TRERF1: variants seen among roughly 807,000 people sequenced by gnomAD.
TRERF1 encodes transcriptional regulating factor 1.
A neutral mutation model predicts 122.9 loss-of-function variants in TRERF1; 27 were observed. That is an observed-to-expected ratio of 0.22 (90% confidence interval 0.16 to 0.30). The LOEUF (loss-of-function observed/expected upper bound fraction) is 0.30. Among genes scored for constraint, TRERF1 ranks in the 10% least tolerant of loss-of-function variants. The pLI is 1.00. For missense variants in TRERF1, 1,248 were observed against 1,560.3 expected (o/e 0.80, Z 3.37); for synonymous variants, 636 against 641.7 (o/e 0.99, Z 0.13).
intron 3 of TRERF1, among the ~76,000 whole-genome samples, chr6:42,317,285 GAGGA>G (rs1204664448): frequency 1.3e-5 from 2 of 152,044 alleles, no homozygotes; most frequent in Non-Finnish European, 2.9e-5. Context: ...GTCTGTGCAG[GAGGA>G]AGGAAGAACC....
At chr6:42,238,456 G>A (rs1772784534) in intron 15 of TRERF1, among the ~76,000 whole-genome samples, 1 of 152,144 alleles carries the variant, frequency 6.6e-6, no homozygotes, top group Admixed American at 6.5e-5. Flanking sequence ...TCACCAAAGT[G>A]ACTAAGAGAT....
chr6:42,379,127 AAT>A, intron 2 of TRERF1, among the ~76,000 whole-genome samples: 2 of 123,064 alleles, frequency 1.6e-5, no homozygotes, highest in South Asian at 4.6e-4. Context: ...CTCAAAAAAA[AAT>A]TTTTTTAATA....
In TRERF1 at chr6:42,259,636, G is replaced by T; in HGVS notation, c.1972C>A (p.Pro658Thr). The T allele has an allele frequency of 6.2e-7, 1 of 1,613,190 alleles. No individual in the cohort carries two copies. The highest frequency in any genetic ancestry group is 8.5e-7 in the Non-Finnish European group (1 of 1,179,990). Residue 658 changes from proline to threonine, a missense_variant, in exon 9 of 18, where the codon CCG becomes ACG. Physicochemically the swap from Pro to Thr is conservative, Grantham distance 38. This residue lies in a region of TRERF1 where 946 missense variants were observed against 1,073.0 expected (regional missense o/e 0.88). Transcript: ENST00000372922. This position sits in a 1 kb window ranked among gnomAD's most constrained non-coding sequence, Gnocchi z 4.9. The stretch of plus-strand genomic sequence containing the variant: ...GGCGGCGGGATGAAGAGAGGTTCCG[G>T]CCGGTGCCGGAACTTTTTCTTCTCC...
At chr6:42,311,119 A>G (rs1263609148) in intron 3 of TRERF1, among the ~76,000 whole-genome samples, 1 of 152,218 alleles carries the variant, frequency 6.6e-6, no homozygotes, top group Non-Finnish European at 1.5e-5. Context: ...AAACAAATAA[A>G]AGGTCCCTGC....
intron 3 of TRERF1, among the ~76,000 whole-genome samples, chr6:42,341,099 C>T (rs1767219017): frequency 6.6e-6 from 1 of 152,156 alleles, no homozygotes; most frequent in Non-Finnish European, 1.5e-5. Flanking sequence ...GTTTTCATGA[C>T]CTCAAATCAC....
rs1236665544 is a variant in TRERF1, at chr6:42,265,740, A to C, written c.1484+11T>G. The C allele has an allele frequency of 3.1e-6, 5 of 1,612,112 alleles. No homozygotes were observed. The highest frequency in any genetic ancestry group is 4.2e-6 in the Non-Finnish European group (5 of 1,179,158). On this transcript the variant is annotated intron_variant, in intron 6 of 17. Coordinates refer to ENST00000372922, the Ensembl canonical transcript of TRERF1. ...TCTCCCAAAATACCAACAAGGTTCC[A>C]CTCATCCTACCTTGACTCAGGGGAC...
At chr6:42,288,126 A>G (rs2150112882) in intron 4 of TRERF1, among the ~76,000 whole-genome samples, 1 of 152,198 alleles carries the variant, frequency 6.6e-6, no homozygotes, top group East Asian at 1.9e-4. Context: ...ATAACAAAAC[A>G]TTTATTGCAT....
chr6:42,290,053 G>T (rs1784037775), intron 4 of TRERF1, among the ~76,000 whole-genome samples: 2 of 152,162 alleles, frequency 1.3e-5, no homozygotes, highest in African/African-American at 4.8e-5. Flanking sequence ...AGGTTCCAAG[G>T]CCCAGAGAGG....
intron 2 of TRERF1, among the ~76,000 whole-genome samples, chr6:42,405,077 T>A (rs1779970661): frequency 6.6e-6 from 1 of 152,218 alleles, no homozygotes; most frequent in Admixed American, 6.5e-5. Context: ...TGGGTATTAT[T>A]TAATCTTCAC....
At chr6:42,447,291 T>C (rs1216665711) in intron 2 of TRERF1, among the ~76,000 whole-genome samples, 1 of 152,212 alleles carries the variant, frequency 6.6e-6, no homozygotes, top group Non-Finnish European at 1.5e-5. Context: ...AGGCTTTTTG[T>C]TGTGTGTTTT....
At chr6:42,372,674 G>C (rs1200270664) in intron 2 of TRERF1, among the ~76,000 whole-genome samples, 1 of 152,240 alleles carries the variant, frequency 6.6e-6, no homozygotes, top group East Asian at 1.9e-4. Flanking sequence ...GGATGGCAGA[G>C]AATCGCCTGC....
intron 17 of TRERF1, among the ~76,000 whole-genome samples, chr6:42,229,357 C>T (rs567698241): frequency 1.5e-4 from 23 of 152,126 alleles, no homozygotes; most frequent in East Asian, 5.8e-4. Context: ...ATGCTGGCCT[C>T]GAACTCCTGG....
intron 3 of TRERF1, among the ~76,000 whole-genome samples, chr6:42,321,053 G>A (rs527282677): frequency 6.6e-6 from 1 of 151,902 alleles, no homozygotes; most frequent in East Asian, 1.9e-4. Flanking sequence ...AATCAGATAG[G>A]AGGCTGAAAA....
chr6:42,240,222 C>T (rs887833981), intron 15 of TRERF1, among the ~76,000 whole-genome samples: 13 of 152,206 alleles, frequency 8.5e-5, no homozygotes, highest in Admixed American at 3.3e-4. Flanking sequence ...CTCCTATCTT[C>T]GAAAAATATT....
In TRERF1 at chr6:42,228,299, G is replaced by A; in HGVS notation, c.*46C>T. 6.6e-7 allele frequency: 1 copy of A among 1,511,082 alleles called. No homozygotes were observed. The highest frequency in any genetic ancestry group is 8.9e-7 in the Non-Finnish European group (1 of 1,122,976). 93.6% of individuals were successfully genotyped at this position (1,511,082 alleles called of 1,614,324 possible). A position where few individuals can be genotyped will look rare whatever the true frequency, so the allele number is the denominator to read the frequency against. ...CAGTCCAGGTTTCCTGATTAATGAA[G>A]ATGGAGGCCGTGGGTTTTCACTGTC... On this transcript the variant is annotated 3_prime_UTR_variant, in exon 18 of 18. Transcript: ENST00000372922. This position sits in a 1 kb window ranked among gnomAD's most constrained non-coding sequence, Gnocchi z 4.2.
intron 2 of TRERF1, among the ~76,000 whole-genome samples, chr6:42,401,494 G>A (rs1300177111): frequency 6.6e-6 from 1 of 152,144 alleles, no homozygotes; most frequent in African/African-American, 2.4e-5. Flanking sequence ...GGTAACTGAG[G>A]CCGAGAGGCT....
intron 3 of TRERF1, among the ~76,000 whole-genome samples, chr6:42,327,004 C>T (rs1426245637): frequency 2.0e-5 from 3 of 151,960 alleles, no homozygotes; most frequent in Non-Finnish European, 4.4e-5. Flanking sequence ...TAGCAGCAGG[C>T]CAAAAAATGA....
At chr6:42,262,870 T>G (rs1376765275) in intron 8 of TRERF1, among the ~76,000 whole-genome samples, 2 of 152,170 alleles carry the variant, frequency 1.3e-5, no homozygotes, top group Non-Finnish European at 2.9e-5. Context: ...CGCCAGTGGT[T>G]ACCTCTTTGG....
At chr6:42,380,053 G>A (rs1215647590) in intron 2 of TRERF1, among the ~76,000 whole-genome samples, 1 of 152,224 alleles carries the variant, frequency 6.6e-6, no homozygotes, top group Non-Finnish European at 1.5e-5. Flanking sequence ...ACGACGGTTG[G>A]GGCAGAGGTC....
Sources: allele counts gnomAD v4.1 joint callset (sites outside exome capture counted in the v4.1 genomes callset), GRCh38; gene constraint gnomAD v4.1.1; regional missense constraint gnomAD v4.1.1; non-coding constraint Gnocchi (gnomAD v3.1); transcripts MANE v1.5; gene names NCBI Gene and HGNC (gene_info 2026-07-23, HGNC 2026-07-21).